The following AGBL1 variants were observed in gnomAD, a reference collection of about 807,000 sequenced individuals.
AGBL1 encodes the protein cytosolic carboxypeptidase 4.
In AGBL1, 130 loss-of-function variants were observed where a neutral mutation model predicts 118.9. The ratio of observed to expected loss-of-function variants is 1.09; its 90% CI spans 0.95 to 1.26. AGBL1 has a LOEUF of 1.26. Ranked by LOEUF, AGBL1 falls within the 50% of genes most tolerant of loss-of-function variation. The pLI is 0.00. For missense variants in AGBL1, 1,584 were observed against 1,298.1 expected (o/e 1.22, Z -3.38); for synonymous variants, 555 against 478.9 (o/e 1.16, Z -2.08).
At chr15:86,161,911 C>G (rs561348205) in intron 5 of AGBL1, among the ~76,000 whole-genome samples, 1 of 152,244 alleles carries the variant, frequency 6.6e-6, no homozygotes, top group South Asian at 2.1e-4. Context: ...CAAGTCTTAC[C>G]TCCTAGGTTT....
chr15:86,917,483 C>T (rs2881640), downstream of AGBL1, among the ~76,000 whole-genome samples: 30,819 of 152,096 alleles, frequency 0.2, 3,294 homozygotes, highest in East Asian at 0.36. The surrounding 1 kb of genome is among the most constrained non-coding windows in gnomAD (Gnocchi z 4.8). Flanking sequence ...ACTGAGCACA[C>T]TGAATGTTCC....
intron 18 of AGBL1, among the ~76,000 whole-genome samples, chr15:86,485,354 C>T (rs1054542616): frequency 2.0e-5 from 3 of 151,918 alleles, no homozygotes; most frequent in Non-Finnish European, 4.4e-5. Context: ...CAGCAGAGTT[C>T]CACCCATGAT....
At chr15:86,746,818 A>C (rs1488786203) in intron 22 of AGBL1, among the ~76,000 whole-genome samples, 1 of 152,208 alleles carries the variant, frequency 6.6e-6, no homozygotes, top group South Asian at 2.1e-4. Flanking sequence ...GTAACTATGC[A>C]ACAACATAGG....
intron 17 of AGBL1, among the ~76,000 whole-genome samples, chr15:86,331,223 CAAAA>C (rs71144041): frequency 0.012 from 1,165 of 97,100 alleles, 16 homozygotes; most frequent in African/African-American, 0.044. Context: ...GACTCCATCT[CAAAA>C]AAAAAAAAAA....
Position 86,705,102 on chromosome 15 carries a change from G to T in AGBL1, c.3158+30666G>T, listed in dbSNP as rs546735761. On this transcript the variant is annotated intron_variant, in intron 22 of 22. Coordinates refer to ENST00000614907, the MANE Select transcript of AGBL1 (RefSeq NM_001386094.1). ...GAACAAAGAGAACACATGGACACAG[G>T]GAGGGAAACGTCACACACTGGGCCC... Among the ~76,000 whole-genome samples, 53 of 151,228 alleles carry T rather than the reference G, an allele frequency of 3.5e-4. No individual in the cohort carries two copies. In the South Asian group the frequency reaches 0.011, roughly 31 times the overall value.
At chr15:86,386,834 C>A (rs1052055906) in intron 17 of AGBL1, among the ~76,000 whole-genome samples, 1 of 152,110 alleles carries the variant, frequency 6.6e-6, no homozygotes, top group African/African-American at 2.4e-5. Context: ...TCACCACAGT[C>A]CCTATTATAG....
At chr15:86,715,098 A>G (rs2086618092) in intron 22 of AGBL1, among the ~76,000 whole-genome samples, 1 of 152,144 alleles carries the variant, frequency 6.6e-6, no homozygotes, top group Admixed American at 6.5e-5. Context: ...GCTTTTAGGA[A>G]GGGGAGATGT....
chr15:86,257,494 T>C (rs1332675373), intron 8 of AGBL1, among the ~76,000 whole-genome samples: 4 of 152,244 alleles, frequency 2.6e-5, no homozygotes, highest in Non-Finnish European at 5.9e-5. Flanking sequence ...TACGAACAGA[T>C]TTTCTATAGG....
At chr15:86,971,789 C>G (rs1334755573) in intron 23 of AGBL1, among the ~76,000 whole-genome samples, 2 of 151,834 alleles carry the variant, frequency 1.3e-5, no homozygotes, top group African/African-American at 2.4e-5. Context: ...GAATTGTAAT[C>G]CCCATAATCC....
chr15:86,544,516 C>T (rs2142248875), intron 19 of AGBL1, among the ~76,000 whole-genome samples: 1 of 152,328 alleles, frequency 6.6e-6, no homozygotes, highest in African/African-American at 2.4e-5. Flanking sequence ...CACAGTTCCA[C>T]ATGGCTGGGG....
chr15:86,281,552 C>G (rs2079355385), intron 16 of AGBL1, among the ~76,000 whole-genome samples: 1 of 152,100 alleles, frequency 6.6e-6, no homozygotes, highest in African/African-American at 2.4e-5. Context: ...TGATAAGGTT[C>G]CTGGTGGCCA....
intron 18 of AGBL1, among the ~76,000 whole-genome samples, chr15:86,517,673 ACT>A (rs1250992184): frequency 6.6e-6 from 1 of 151,884 alleles, no homozygotes; most frequent in African/African-American, 2.4e-5. Flanking sequence ...TGGATTATTG[ACT>A]CTCCTGAGCA....
At chr15:86,294,016 T>G (rs993228170) in intron 16 of AGBL1, among the ~76,000 whole-genome samples, 1 of 152,118 alleles carries the variant, frequency 6.6e-6, no homozygotes, top group Non-Finnish European at 1.5e-5. Context: ...TGTCAGGGGA[T>G]GCAGTGCAGG....
chr15:86,271,516 C>T, intron 14 of AGBL1, 103 bp from the exon 15 acceptor site: 1 of 880,572 alleles, frequency 1.1e-6, no homozygotes, highest in Non-Finnish European at 1.9e-6. Context: ...AGTTAACAGT[C>T]ACAGTTTCCA....
At chr15:86,398,545 T>C (rs937357319) in intron 18 of AGBL1, among the ~76,000 whole-genome samples, 1 of 151,962 alleles carries the variant, frequency 6.6e-6, no homozygotes, top group Non-Finnish European at 1.5e-5. Flanking sequence ...TAGAAAACTA[T>C]AAAATAGAGC....
chr15:86,509,284 T>G (rs35123106), intron 18 of AGBL1, among the ~76,000 whole-genome samples: 36,972 of 151,810 alleles, frequency 0.24, 5,723 homozygotes, highest in East Asian at 0.36. Context: ...AAGAAAGAGA[T>G]GGAGAAGAAA....
At chr15:86,134,898 C>T (rs2076868572) in intron 1 of AGBL1, among the ~76,000 whole-genome samples, 1 of 150,980 alleles carries the variant, frequency 6.6e-6, no homozygotes, top group African/African-American at 2.4e-5. Context: ...CAGGTGTAAG[C>T]CACTGTGCCA....
chr15:86,743,156 A>G (rs1321430907), intron 22 of AGBL1, among the ~76,000 whole-genome samples: 2 of 152,072 alleles, frequency 1.3e-5, no homozygotes, highest in Non-Finnish European at 2.9e-5. Context: ...TTTTCTTTAA[A>G]AAGTATTTTT....
chr15:86,100,040 C>T (rs1389354785), intron 1 of AGBL1, among the ~76,000 whole-genome samples: 3 of 150,834 alleles, frequency 2.0e-5, no homozygotes, highest in Non-Finnish European at 3.0e-5. Context: ...TTTTTTTAAT[C>T]ATGAAGGAAT....
Sources: allele counts gnomAD v4.1 joint callset (sites outside exome capture counted in the v4.1 genomes callset), GRCh38; gene constraint gnomAD v4.1.1; non-coding constraint Gnocchi (gnomAD v3.1); transcripts MANE v1.5; gene names NCBI Gene and HGNC (gene_info 2026-07-23, HGNC 2026-07-21).